Variants in AFG1L observed in about 807,000 individuals in gnomAD.
The protein encoded by AFG1L is AFG1-like ATPase.
A neutral mutation model predicts 62.2 loss-of-function variants in AFG1L; 53 were observed. That is an observed-to-expected ratio of 0.85 (90% CI 0.68 to 1.07). The LOEUF (loss-of-function observed/expected upper bound fraction) is 1.07, where lower values mean the gene tolerates loss of function less well. Among genes scored for constraint, AFG1L ranks in the 50% least tolerant of loss-of-function variants. AFG1L has a pLI of 0.00. For synonymous variants in AFG1L, 228 were observed against 210.3 expected (o/e 1.08, Z -0.73); for missense variants, 555 against 590.5 (o/e 0.94, Z 0.62).
At chr6:108,318,702 A>C (rs1190045037) in intron 1 of AFG1L, among the ~76,000 whole-genome samples, 2 of 152,226 alleles carry the variant, frequency 1.3e-5, no homozygotes, top group Non-Finnish European at 2.9e-5. Context: ...ATAAGGTACA[A>C]AATTGAAGTA....
chr6:108,372,940 C>T (rs1008711050), intron 6 of AFG1L: 2 of 152,648 alleles, frequency 1.3e-5, no homozygotes, highest in African/African-American at 4.8e-5. Context: ...TGGTCTGACT[C>T]AGCATATGCC....
At chr6:108,446,763 C>T (rs1771823422) in intron 7 of AFG1L, among the ~76,000 whole-genome samples, 1 of 152,122 alleles carries the variant, frequency 6.6e-6, no homozygotes. Context: ...CTCAGCCTCC[C>T]AAAGTGCTGG....
intron 7 of AFG1L, among the ~76,000 whole-genome samples, chr6:108,436,640 C>G (rs1452754232): frequency 6.6e-6 from 1 of 152,056 alleles, no homozygotes; most frequent in Non-Finnish European, 1.5e-5. Context: ...TTTGTGTATC[C>G]AAGCAAGAGC....
At chr6:108,421,055 G>T (rs1770564684) in intron 7 of AFG1L, among the ~76,000 whole-genome samples, 1 of 152,024 alleles carries the variant, frequency 6.6e-6, no homozygotes, top group Non-Finnish European at 1.5e-5. Flanking sequence ...CCAATTAATA[G>T]AACTTTTAAG....
chr6:108,359,242 GAC>G (rs980239916), intron 5 of AFG1L: 4 of 152,090 alleles, frequency 2.6e-5, no homozygotes, highest in Non-Finnish European at 5.9e-5. Context: ...TGGTTGTACT[GAC>G]ATACGCCATT....
At chr6:108,318,356 AT>A in intron 1 of AFG1L, 1 of 394,968 alleles carries the variant, frequency 2.5e-6, no homozygotes, top group Non-Finnish European at 4.9e-6. Flanking sequence ...AGATGCAAGC[AT>A]TTTGAACTGG....
At chr6:108,334,848 T>C (rs541191368) in intron 2 of AFG1L, among the ~76,000 whole-genome samples, 10 of 152,294 alleles carry the variant, frequency 6.6e-5, no homozygotes, top group African/African-American at 2.4e-4. Context: ...TATGATGACC[T>C]GCTTAAAGAT....
At chr6:108,327,572 T>C (rs918810059) in intron 2 of AFG1L, among the ~76,000 whole-genome samples, 1 of 152,188 alleles carries the variant, frequency 6.6e-6, no homozygotes, top group African/African-American at 2.4e-5. Flanking sequence ...AGGCCTCTTT[T>C]GTAAGGGCAC....
intron 7 of AFG1L, among the ~76,000 whole-genome samples, chr6:108,441,258 C>A (rs925964503): frequency 6.6e-6 from 1 of 152,096 alleles, no homozygotes; most frequent in African/African-American, 2.4e-5. Flanking sequence ...AAAATACACA[C>A]AATAGATTTT....
At chr6:108,300,674 A>G (rs974235298) in intron 1 of AFG1L, among the ~76,000 whole-genome samples, 3 of 147,730 alleles carry the variant, frequency 2.0e-5, no homozygotes, top group Non-Finnish European at 4.5e-5. Context: ...GTTTGAACTT[A>G]CTTTTTTTTT....
chr6:108,456,056 AT>A (rs917339825), intron 8 of AFG1L, among the ~76,000 whole-genome samples: 1 of 151,860 alleles, frequency 6.6e-6, no homozygotes, highest in Non-Finnish European at 1.5e-5. Flanking sequence ...ATAATTATGG[AT>A]TTTTCTATTT....
chr6:108,454,093 T>G (rs1772162943), intron 8 of AFG1L, among the ~76,000 whole-genome samples: 1 of 152,170 alleles, frequency 6.6e-6, no homozygotes, highest in African/African-American at 2.4e-5. Flanking sequence ...CAACAAAATT[T>G]TTATGGTCTT....
rs1780300095 is a variant in AFG1L at position 108,377,532 on chromosome 6, G to T, written c.748+11200G>T. Among the ~76,000 whole-genome samples, 2 of 152,106 alleles carry T rather than the reference G, an allele frequency of 1.3e-5. 1 individual carries two copies. The highest frequency in any genetic ancestry group is 4.1e-4 in the South Asian group (2 of 4,822). ...AATTTGGCAGAATATGAAATTCTTG[G>T]TTGGAGTTTCTTTTCTTTAAGAATG... On this transcript the variant is annotated intron_variant, in intron 6 of 12. Transcript: ENST00000368977.
intron 3 of AFG1L, among the ~76,000 whole-genome samples, chr6:108,348,597 C>T (rs924545304): frequency 6.6e-6 from 1 of 152,212 alleles, no homozygotes; most frequent in Admixed American, 6.5e-5. Flanking sequence ...GAAGGTCAAA[C>T]TATTCTTTTT....
chr6:108,399,174 G>GTTTTT lies in AFG1L; in HGVS notation c.749-2819_749-2818insTTTTT, dbSNP rs1424528059. ...ATTGCAAAGATCTGTCACTTCTTTT[G>GTTTTT]TTTGTTTTTTTTTTTTTTTTTTTTT... is the stretch of plus-strand genomic sequence containing the variant. On this transcript the variant is annotated intron_variant, in intron 6 of 12. Transcript: ENST00000368977. 5.4e-4 allele frequency among the ~76,000 whole-genome samples: 28 copies of GTTTTT among 51,412 alleles called. 6 individuals carry two copies. The highest frequency in any genetic ancestry group is 2.1e-3 in the African/African-American group (25 of 11,922). The allele number at this position is 51,412 out of a possible 152,430, so 33.7% of individuals were successfully genotyped here.
At chr6:108,520,364 G>A (rs1319646321) in intron 12 of AFG1L, 1 of 152,482 alleles carries the variant, frequency 6.6e-6, no homozygotes, top group Non-Finnish European at 1.5e-5. Flanking sequence ...GCCAGGCTCT[G>A]AGGACACTCT....
At chr6:108,427,626 A>G (rs763817092) in intron 7 of AFG1L, among the ~76,000 whole-genome samples, 17 of 150,492 alleles carry the variant, frequency 1.1e-4, no homozygotes, top group Non-Finnish European at 2.2e-4. Flanking sequence ...GACTCAAGCA[A>G]TTCCCTTGCC....
At chr6:108,417,101 G>C (rs1770332281) in intron 7 of AFG1L, among the ~76,000 whole-genome samples, 1 of 151,640 alleles carries the variant, frequency 6.6e-6, no homozygotes, top group Non-Finnish European at 1.5e-5. Flanking sequence ...AGGCATGGTG[G>C]TGCATGCCTG....
intron 2 of AFG1L, among the ~76,000 whole-genome samples, chr6:108,325,143 G>C (rs2114310963): frequency 6.6e-6 from 1 of 152,310 alleles, no homozygotes; most frequent in South Asian, 2.1e-4. Context: ...ACTGGTTTCT[G>C]TCTTTGTCAT....
Sources: allele counts gnomAD v4.1 joint callset (sites outside exome capture counted in the v4.1 genomes callset), GRCh38; gene constraint gnomAD v4.1.1; transcripts MANE v1.5; gene names NCBI Gene and HGNC (gene_info 2026-07-23, HGNC 2026-07-21).